Variants in COL4A5 observed in about 807,000 individuals in gnomAD.
COL4A5 encodes collagen alpha-5(IV) chain.
A neutral mutation model predicts 130.2 loss-of-function variants in COL4A5; 26 were observed. That is an observed-to-expected ratio of 0.20 (90% CI 0.15 to 0.28). The LOEUF (loss-of-function observed/expected upper bound fraction) is 0.28, where lower values mean the gene tolerates loss of function less well. Among genes scored for constraint, COL4A5 ranks in the 10% least tolerant of loss-of-function variants. The pLI is 1.00. For synonymous variants in COL4A5, 496 were observed against 439.6 expected (o/e 1.13, Z -1.60); for missense variants, 1,131 against 1,344.3 (o/e 0.84, Z 2.48).
intron 27 of COL4A5, 87 bp from the exon 28 acceptor site, chrX:108,602,877 A>C (rs111281002): frequency 9.5e-6 from 6 of 629,956 alleles, no homozygotes; most frequent in Admixed American, 8.0e-5. Context: ...GTCACTAAGC[A>C]TGAGTAGAAT....
At chrX:108,541,899 T>G (rs1407716928) in intron 2 of COL4A5, among the ~76,000 whole-genome samples, 1 of 111,760 alleles carries the variant, frequency 8.9e-6, no homozygotes, top group East Asian at 2.8e-4. Flanking sequence ...CCATATTACC[T>G]ACAATATCCA....
At position 108,669,767 on chromosome X, in the gene COL4A5, G is replaced by T. The variant is rs183806962; in HGVS notation, c.3791-461G>T. On this transcript the variant is annotated intron_variant, in intron 41 of 52. Transcript: ENST00000328300. ...GTTGAACCTTACTTTGAAATTTGTC[G>T]GTATGAAGCCATTAGTCACAAAGAT... Among the ~76,000 whole-genome samples the T allele has an allele frequency of 5.3e-3, 587 of 111,520 alleles. 3 individuals are homozygous for T. Among genetic ancestry groups the T allele is most frequent in the Middle Eastern group, 0.018 (4 of 218 alleles).
intron 28 of COL4A5, among the ~76,000 whole-genome samples, chrX:108,604,547 G>T (rs2066695783): frequency 8.9e-6 from 1 of 112,073 alleles, no homozygotes; most frequent in South Asian, 3.7e-4. Context: ...AGCACAGGCA[G>T]AGTAGATATA....
Position 108,539,634 on chromosome X carries a change from T to C in COL4A5, c.82-112T>C, listed in dbSNP as rs1260777332. On this transcript the variant is annotated intron_variant, in intron 1 of 52. Coordinates refer to ENST00000328300, the MANE Select transcript of COL4A5 (RefSeq NM_033380.3). ...ATTTCGTATATCTTTTCAGATATTT[T>C]TCTGGTATCTATCTTTCAAGTTTGG... 1.0e-4 allele frequency: 64 copies of C among 625,920 alleles called. No individual in the cohort carries two copies. The East Asian group carries it at 2.1e-3, about 20-fold the overall frequency. The allele number at this position is 625,920 out of a possible 1,213,427, so 51.6% of individuals were successfully genotyped here. A position where few individuals can be genotyped will look rare whatever the true frequency, so the allele number is the denominator to read the frequency against.
chrX:108,687,132 G>C (rs188656048), intron 48 of COL4A5, among the ~76,000 whole-genome samples: 167 of 112,374 alleles, frequency 1.5e-3, no homozygotes, highest in Non-Finnish European at 2.7e-3. Context: ...GTATGCCTGA[G>C]AATAATTCCC....
chrX:108,571,143 T>C (rs1221811600), intron 6 of COL4A5, among the ~76,000 whole-genome samples: 5 of 112,021 alleles, frequency 4.5e-5, no homozygotes, highest in Admixed American at 2.8e-4. Context: ...GGCGTGATCG[T>C]CTCAAAATGT....
At chrX:108,584,459 C>T in intron 17 of COL4A5, 25 bp from the exon 18 acceptor site, 1 of 1,187,176 alleles carries the variant, frequency 8.4e-7, no homozygotes, top group Non-Finnish European at 1.1e-6. Flanking sequence ...ATTTTACTAA[C>T]CTATTTTACA....
chrX:108,576,124 G>A, intron 10 of COL4A5, 152 bp downstream of exon 10: 1 of 442,936 alleles, frequency 2.3e-6, no homozygotes, highest in Non-Finnish European at 4.0e-6. Flanking sequence ...ACAATGATAT[G>A]GTGAATAATA....
intron 1 of COL4A5, among the ~76,000 whole-genome samples, chrX:108,534,483 C>A (rs1048463436): frequency 1.8e-5 from 2 of 110,912 alleles, no homozygotes; most frequent in Non-Finnish European, 3.8e-5. Flanking sequence ...AATAAGCCAG[C>A]CACAGATTGA....
At chrX:108,682,113 T>C (rs911954233) in intron 47 of COL4A5, among the ~76,000 whole-genome samples, 2 of 111,125 alleles carry the variant, frequency 1.8e-5, no homozygotes, top group African/African-American at 6.5e-5. Context: ...TGTGTCCATG[T>C]GTTCTCATTG....
At chrX:108,497,027 C>T (rs1028763234) in intron 1 of COL4A5, among the ~76,000 whole-genome samples, 3 of 111,675 alleles carry the variant, frequency 2.7e-5, no homozygotes, top group African/African-American at 3.3e-5. Context: ...GTAACTCTCC[C>T]GTAATCCCCC....
chrX:108,582,790 A>T, intron 16 of COL4A5, 94 bp from the exon 17 acceptor site: 1 of 682,575 alleles, frequency 1.5e-6, no homozygotes, highest in East Asian at 3.3e-5. Flanking sequence ...CATTTTTGCC[A>T]GTATTCTCAT....
intron 4 of COL4A5, among the ~76,000 whole-genome samples, chrX:108,564,614 T>A (rs2065943131): frequency 8.9e-6 from 1 of 112,073 alleles, no homozygotes; most frequent in Non-Finnish European, 1.9e-5. Context: ...TTTTAAAAAA[T>A]CACATTTAGC....
intron 23 of COL4A5, 87 bp downstream of exon 23, chrX:108,597,155 C>T: frequency 1.2e-6 from 1 of 847,313 alleles, no homozygotes; most frequent in Non-Finnish European, 1.7e-6. Context: ...TATATACACA[C>T]ATATACAATT....
At chrX:108,591,679 C>T in intron 21 of COL4A5, 35 bp downstream of exon 21, 1 of 1,082,473 alleles carries the variant, frequency 9.2e-7, no homozygotes, top group Non-Finnish European at 1.3e-6. Flanking sequence ...CCTTCATTTT[C>T]TTCATTCTTT....
chrX:108,672,156 G>T (rs2068219945), intron 42 of COL4A5, among the ~76,000 whole-genome samples: 1 of 111,844 alleles, frequency 8.9e-6, no homozygotes, highest in Non-Finnish European at 1.9e-5. Context: ...CTTCTTAAAT[G>T]ATGTCATCAA....
At chrX:108,663,230 T>C (rs1013684337) in intron 37 of COL4A5, among the ~76,000 whole-genome samples, 14 of 112,122 alleles carry the variant, frequency 1.2e-4, no homozygotes, top group African/African-American at 4.5e-4. Context: ...CTTTTTGTAT[T>C]CTGTCAAGTT....
intron 1 of COL4A5, among the ~76,000 whole-genome samples, chrX:108,457,381 G>A (rs759999755): frequency 3.6e-5 from 4 of 111,858 alleles, no homozygotes; most frequent in African/African-American, 1.3e-4. Flanking sequence ...GAATTTTACA[G>A]TATGTTAATC....
At chrX:108,462,276 T>A (rs930029537) in intron 1 of COL4A5, among the ~76,000 whole-genome samples, 1 of 112,206 alleles carries the variant, frequency 8.9e-6, no homozygotes, top group African/African-American at 3.2e-5. Context: ...AGAGAAATAG[T>A]AATAGTAAAT....
Sources: gnomAD v4.1 joint callset for allele counts (sites outside exome capture counted in the v4.1 genomes callset) on GRCh38, gnomAD v4.1.1 for gene constraint, MANE v1.5 for transcripts, NCBI Gene and HGNC (gene_info 2026-07-23, HGNC 2026-07-21) for gene names.